EXOC4: variants seen among roughly 807,000 people sequenced by gnomAD.
The protein encoded by EXOC4 is SEC8-like 1.
In EXOC4, 71 loss-of-function variants were observed where a neutral mutation model predicts 107.2. The ratio of observed to expected loss-of-function variants is 0.66; its 90% CI spans 0.55 to 0.81. EXOC4 has a LOEUF of 0.81. Ranked by LOEUF, EXOC4 falls within the 30% of genes least tolerant of loss-of-function variation. EXOC4 has a pLI of 0.00. For missense variants in EXOC4, 1,108 were observed against 1,189.6 expected, an observed-to-expected ratio of 0.93 and a Z score of 1.01; for synonymous variants, 456 against 441.2, an observed-to-expected ratio of 1.03 and a Z score of -0.42.
At chr7:133,402,278 T>G (rs1797107214) in intron 7 of EXOC4, among the ~76,000 whole-genome samples, 2 of 152,208 alleles carry the variant, frequency 1.3e-5, no homozygotes, top group African/African-American at 4.8e-5. Context: ...AGTGGTAAAA[T>G]TTGAAGGCTG....
intron 13 of EXOC4, among the ~76,000 whole-genome samples, chr7:133,933,919 T>C (rs1800238572): frequency 6.6e-6 from 1 of 152,238 alleles, no homozygotes; most frequent in Non-Finnish European, 1.5e-5. Context: ...ATGGACAGTA[T>C]AGAAAAGCAC....
intron 9 of EXOC4, among the ~76,000 whole-genome samples, chr7:133,489,572 C>G (rs1025931126): frequency 6.6e-6 from 1 of 152,184 alleles, no homozygotes; most frequent in Non-Finnish European, 1.5e-5. Flanking sequence ...TCCCAACTTA[C>G]CTGCTCCCTC....
At chr7:133,734,593 T>G (rs1795399885) in intron 10 of EXOC4, among the ~76,000 whole-genome samples, 1 of 152,148 alleles carries the variant, frequency 6.6e-6, no homozygotes, top group African/African-American at 2.4e-5. Flanking sequence ...CTAGTTTTCC[T>G]GTACAGGTTG....
chr7:133,780,177 AT>A (rs1796433735), intron 10 of EXOC4, among the ~76,000 whole-genome samples: 1 of 151,778 alleles, frequency 6.6e-6, no homozygotes, highest in African/African-American at 2.4e-5. Flanking sequence ...CTATGTTTTT[AT>A]TTCTAGTCAT....
At chr7:133,297,231 T>G in intron 3 of EXOC4, among the ~76,000 whole-genome samples, 1 of 152,162 alleles carries the variant, frequency 6.6e-6, no homozygotes, top group East Asian at 1.9e-4. Context: ...GTCAAATCGG[T>G]TTAGTAGTTA....
intron 17 of EXOC4, among the ~76,000 whole-genome samples, chr7:134,050,889 A>G (rs1795768967): frequency 6.6e-6 from 1 of 152,122 alleles, no homozygotes; most frequent in Non-Finnish European, 1.5e-5. Context: ...GGGTTAGTCT[A>G]GGAGGAGTGA....
chr7:133,571,627 A>T (rs890830617), intron 9 of EXOC4, among the ~76,000 whole-genome samples: 3 of 151,010 alleles, frequency 2.0e-5, no homozygotes, highest in Non-Finnish European at 4.4e-5. Flanking sequence ...GTGAGCCAAG[A>T]TGGCACCACT....
intron 17 of EXOC4, 48 bp downstream of exon 17, chr7:134,007,883 C>T (rs777407333): frequency 5.6e-5 from 86 of 1,524,910 alleles, no homozygotes; most frequent in Non-Finnish European, 7.1e-5. Flanking sequence ...GCTAAGACCT[C>T]GTTGCCTGTG....
At chr7:133,856,875 C>CT (rs1798384607) in intron 11 of EXOC4, among the ~76,000 whole-genome samples, 1 of 150,696 alleles carries the variant, frequency 6.6e-6, no homozygotes, top group African/African-American at 2.4e-5. Context: ...CCAAGGCAGG[C>CT]GGATCACGAG....
intron 2 of EXOC4, among the ~76,000 whole-genome samples, chr7:133,287,314 T>A (rs1273447464): frequency 1.3e-5 from 2 of 151,722 alleles, no homozygotes; most frequent in Non-Finnish European, 2.9e-5. Flanking sequence ...TATATATATA[T>A]GTATATTTTT....
intron 9 of EXOC4, among the ~76,000 whole-genome samples, chr7:133,587,688 G>A (rs997094524): frequency 1.3e-5 from 2 of 152,166 alleles, no homozygotes; most frequent in African/African-American, 4.8e-5. Flanking sequence ...CTCCAGATTT[G>A]TTTTAGCTTC....
intron 3 of EXOC4, among the ~76,000 whole-genome samples, chr7:133,300,550 A>G (rs924728432): frequency 1.3e-5 from 2 of 152,230 alleles, no homozygotes; most frequent in Non-Finnish European, 2.9e-5. Context: ...GTCATGCTGT[A>G]AACAAAAGTT....
At chr7:133,879,246 A>G (rs11489543) in intron 11 of EXOC4, among the ~76,000 whole-genome samples, 21,457 of 151,590 alleles carry the variant, frequency 0.14, 1,743 homozygotes, top group African/African-American at 0.2. Context: ...AGGTACACAC[A>G]ACCACATCCA....
At chr7:133,269,419 A>G (rs1460711061) in intron 1 of EXOC4, among the ~76,000 whole-genome samples, 1 of 152,200 alleles carries the variant, frequency 6.6e-6, no homozygotes, top group Non-Finnish European at 1.5e-5. Flanking sequence ...CTGATTCCTT[A>G]TCTGTAAAAA....
intron 10 of EXOC4, among the ~76,000 whole-genome samples, chr7:133,664,401 G>T (rs978307751): frequency 6.6e-6 from 1 of 152,070 alleles, no homozygotes; most frequent in Non-Finnish European, 1.5e-5. Flanking sequence ...AAATAGAGTG[G>T]TTGAGTCAGG....
rs570338606 is a variant in EXOC4 at position 133,282,825 on chromosome 7, C to CAATA, written c.277-6096_277-6093dup. ...ACCTTTTCATCAATTTTCAGGCATA[C>CAATA]AATACATTGTTATTAACTGTAGTCA... On this transcript the variant is annotated intron_variant, in intron 2 of 17. Coordinates refer to ENST00000253861, the MANE Select transcript of EXOC4 (RefSeq NM_021807.4). Among the ~76,000 whole-genome samples, 17 of 152,248 alleles carry CAATA rather than the reference C, an allele frequency of 1.1e-4. No individual in the cohort carries two copies. In the South Asian group the frequency reaches 3.5e-3, roughly 32 times the overall value.
intron 12 of EXOC4, among the ~76,000 whole-genome samples, chr7:133,898,104 A>G (rs1799362791): frequency 6.6e-6 from 1 of 150,694 alleles, no homozygotes; most frequent in South Asian, 2.1e-4. Context: ...AAGTGAAATC[A>G]TGCAATATTT....
At chr7:133,440,157 A>G (rs1031699746) in intron 7 of EXOC4, among the ~76,000 whole-genome samples, 1 of 152,134 alleles carries the variant, frequency 6.6e-6, no homozygotes, top group Non-Finnish European at 1.5e-5. Flanking sequence ...ACTACTGTTT[A>G]CACTCTTCAG....
chr7:133,908,959 G>C (rs7786351), intron 12 of EXOC4, among the ~76,000 whole-genome samples: 2,025 of 152,172 alleles, frequency 0.013, 29 homozygotes, highest in African/African-American at 0.043. Flanking sequence ...TCTACATTAG[G>C]TATTTCTCCT....
Sources: gnomAD v4.1 joint callset for allele counts (sites outside exome capture counted in the v4.1 genomes callset) on GRCh38, gnomAD v4.1.1 for gene constraint, MANE v1.5 for transcripts, NCBI Gene and HGNC (gene_info 2026-07-23, HGNC 2026-07-21) for gene names.